LRFN5: variants seen among roughly 807,000 people sequenced by gnomAD.
LRFN5 encodes the protein leucine-rich repeat and fibronectin type-III domain-containing protein 5.
Under a neutral mutation model 45.6 loss-of-function variants are expected in LRFN5, and 24 were observed. The observed-to-expected ratio is 0.53, with a 90% CI of 0.38 to 0.74. The LOEUF (loss-of-function observed/expected upper bound fraction) is 0.74, where lower values mean the gene tolerates loss of function less well. Ranked by LOEUF, LRFN5 falls within the 30% of genes least tolerant of loss-of-function variation. The pLI is 0.00. For synonymous variants in LRFN5, 340 were observed against 313.8 expected (o/e 1.08, Z -0.88); for missense variants, 776 against 861.5 (o/e 0.90, Z 1.24).
chr14:41,793,796 A>G (rs1212031394), intron 2 of LRFN5, among the ~76,000 whole-genome samples: 1 of 152,042 alleles, frequency 6.6e-6, no homozygotes, highest in Non-Finnish European at 1.5e-5. Context: ...CTAATTAACT[A>G]CTTTCTAGCC....
In LRFN5 at chr14:41,628,169, T is replaced by G. The variant is rs559114961; in HGVS notation, c.-197+19607T>G. 2.4e-4 allele frequency among the ~76,000 whole-genome samples: 37 copies of G among 152,298 alleles called. No individual in the cohort carries two copies. The South Asian group carries it at 7.4e-3, about 31-fold the overall frequency. ...CATTCAGCAGTGAGTTCTTGAATCC[T>G]CTCTATAATTTTAAGTTTCTTTTAC... On this transcript the variant is annotated intron_variant, in intron 1 of 5. Coordinates refer to ENST00000298119, the MANE Select transcript of LRFN5 (RefSeq NM_152447.5).
chr14:41,622,337 A>G (rs1888165876), intron 1 of LRFN5, among the ~76,000 whole-genome samples: 1 of 152,104 alleles, frequency 6.6e-6, no homozygotes, highest in South Asian at 2.1e-4. Flanking sequence ...ACAGCAAAAT[A>G]TTTGAAATGG....
intron 1 of LRFN5, among the ~76,000 whole-genome samples, chr14:41,724,862 T>C (rs1883865952): frequency 6.6e-6 from 1 of 152,210 alleles, no homozygotes; most frequent in East Asian, 1.9e-4. Flanking sequence ...TTCCTACTGT[T>C]TGAACTTTCT....
rs184730338 is a variant in LRFN5 at position 41,862,305 on chromosome 14, G to C, written c.-20-24301G>C. The stretch of plus-strand genomic sequence containing the variant: ...GAGTTCTACATTATTAATTATTTTA[G>C]CCTGTTTTTACATCTTGTAGAATCA... On this transcript the variant is annotated intron_variant, in intron 2 of 5. Coordinates refer to ENST00000298119, the MANE Select transcript of LRFN5 (RefSeq NM_152447.5). Among the ~76,000 whole-genome samples the C allele has an allele frequency of 2.8e-3, 430 of 152,086 alleles. 3 individuals carry two copies. The highest frequency in any genetic ancestry group is 6.8e-3 in the Middle Eastern group (2 of 294).
chr14:41,755,920 C>T (rs570512270), intron 1 of LRFN5, among the ~76,000 whole-genome samples: 59 of 152,200 alleles, frequency 3.9e-4, no homozygotes, highest in African/African-American at 1.2e-3. Flanking sequence ...TTCCTTTCCA[C>T]GTCTAGTGCT....
At chr14:41,628,962 A>T (rs1275478307) in intron 1 of LRFN5, among the ~76,000 whole-genome samples, 1 of 152,208 alleles carries the variant, frequency 6.6e-6, no homozygotes, top group South Asian at 2.1e-4. Context: ...GACTCTCACA[A>T]CTTCCCATTT....
chr14:41,860,880 C>T (rs1034104640), intron 2 of LRFN5, among the ~76,000 whole-genome samples: 2 of 152,096 alleles, frequency 1.3e-5, no homozygotes, highest in African/African-American at 4.8e-5. Flanking sequence ...AAAATGAAAC[C>T]TCTGCAAATT....
At chr14:41,820,009 T>C (rs922925612) in intron 2 of LRFN5, among the ~76,000 whole-genome samples, 3 of 152,030 alleles carry the variant, frequency 2.0e-5, no homozygotes, top group African/African-American at 7.2e-5. Flanking sequence ...TTTTAGATGC[T>C]GGAAATTAGT....
chr14:41,628,887 C>T (rs1191057913), intron 1 of LRFN5, among the ~76,000 whole-genome samples: 1 of 152,106 alleles, frequency 6.6e-6, no homozygotes, highest in Non-Finnish European at 1.5e-5. Context: ...CCTGTCAGCG[C>T]ATACTACATA....
intron 1 of LRFN5, among the ~76,000 whole-genome samples, chr14:41,732,234 T>C (rs1468758288): frequency 2.0e-5 from 3 of 152,134 alleles, no homozygotes; most frequent in African/African-American, 7.2e-5. Context: ...GACTCTCAAA[T>C]ATCAGGATCT....
chr14:41,891,158 A>T, intron 3 of LRFN5, 92 bp from the exon 4 acceptor site: 1 of 935,734 alleles, frequency 1.1e-6, no homozygotes, highest in Non-Finnish European at 1.7e-6. Context: ...ACTTAATGAT[A>T]CTGAAATGAC....
chr14:41,896,957 TG>T (rs1460982210), intron 4 of LRFN5, among the ~76,000 whole-genome samples: 3 of 151,702 alleles, frequency 2.0e-5, no homozygotes, highest in Non-Finnish European at 4.4e-5. Flanking sequence ...CTGGGTGTGG[TG>T]GCGCGCACCT....
chr14:41,856,525 C>T (rs969290422), intron 2 of LRFN5, among the ~76,000 whole-genome samples: 2 of 151,742 alleles, frequency 1.3e-5, no homozygotes, highest in Admixed American at 6.6e-5. Context: ...GGTGTGTTCA[C>T]CCCCTTGAAT....
intron 2 of LRFN5, among the ~76,000 whole-genome samples, chr14:41,884,850 A>G (rs560089259): frequency 5.3e-5 from 8 of 152,256 alleles, no homozygotes; most frequent in Non-Finnish European, 8.8e-5. Context: ...TGCATCATCA[A>G]TCTGGGGTCA....
chr14:41,740,046 A>G (rs12588484), intron 1 of LRFN5, among the ~76,000 whole-genome samples: 115,840 of 151,874 alleles, frequency 0.76, 44,550 homozygotes, highest in East Asian at 0.97. Flanking sequence ...GATTGAATCA[A>G]CAATAAAAAA....
intron 2 of LRFN5, among the ~76,000 whole-genome samples, chr14:41,771,651 C>A (rs1886093667): frequency 6.6e-6 from 1 of 152,094 alleles, no homozygotes; most frequent in Non-Finnish European, 1.5e-5. Flanking sequence ...ACAGGGAGGA[C>A]CTTTACTCCA....
chr14:41,886,809 T>G lies in LRFN5; in HGVS notation c.184T>G (p.Phe62Val). 6.2e-7 allele frequency: 1 copy of G among 1,614,072 alleles called. No homozygotes were observed. The highest frequency in any genetic ancestry group is 8.5e-7 in the Non-Finnish European group (1 of 1,179,988). ...RTVELRLADN[F>V]VTNIKRKDFA... is the part of the protein sequence containing the mutation. ...TGTGGAACTGCGGTTGGCAGACAATTTTGTTACAAATATTAAAAGGAAAGA... is the reference window on the plus strand; with the variant it reads ...TGTGGAACTGCGGTTGGCAGACAATGTTGTTACAAATATTAAAAGGAAAGA... Residue 62 changes from phenylalanine (F) to valine (V), a missense_variant, in exon 3 of 6, where the codon TTT becomes GTT. Phe to Val is a conservative substitution (Grantham distance 50). This residue lies in a region of LRFN5 where 311 missense variants were observed against 405.1 expected (regional missense o/e 0.77). Transcript: ENST00000298119.
intron 1 of LRFN5, among the ~76,000 whole-genome samples, chr14:41,749,413 T>G (rs1566650821): frequency 6.6e-6 from 1 of 152,158 alleles, no homozygotes; most frequent in East Asian, 1.9e-4. Flanking sequence ...CAAACATTCA[T>G]TGATTTAATG....
chr14:41,885,647 A>T (rs187202724), intron 2 of LRFN5, among the ~76,000 whole-genome samples: 8 of 152,284 alleles, frequency 5.3e-5, no homozygotes, highest in Admixed American at 4.6e-4. Context: ...TTTAATATTT[A>T]GGGAACTCGG....
Sources: allele counts gnomAD v4.1 joint callset (sites outside exome capture counted in the v4.1 genomes callset), GRCh38; gene constraint gnomAD v4.1.1; regional missense constraint gnomAD v4.1.1; transcripts MANE v1.5; gene names NCBI Gene and HGNC (gene_info 2026-07-23, HGNC 2026-07-21).